Variants in DIP2B observed in about 807,000 individuals in gnomAD.
The protein encoded by DIP2B is DIP2 acetate--CoA ligase B (putative), also known as disco-interacting protein 2 homolog B.
A neutral mutation model predicts 198.0 loss-of-function variants in DIP2B; 76 were observed. The ratio of observed to expected loss-of-function variants is 0.38; its 90% CI spans 0.32 to 0.46. The LOEUF (loss-of-function observed/expected upper bound fraction) is 0.46, where lower values mean the gene tolerates loss of function less well. Ranked by LOEUF, DIP2B falls within the 20% of genes least tolerant of loss-of-function variation. The pLI is 0.99. For missense variants in DIP2B, 1,559 were observed against 1,978.4 expected (o/e 0.79, Z 4.02); for synonymous variants, 701 against 739.1 (o/e 0.95, Z 0.84).
At chr12:50,735,223 A>G (rs1438867453) in intron 34 of DIP2B, 93 bp downstream of exon 34, 4 of 1,394,710 alleles carry the variant, frequency 2.9e-6, no homozygotes, top group East Asian at 2.3e-5. Flanking sequence ...ATTAGTGTCC[A>G]GGGCAAGCCT....
chr12:50,617,556 C>T (rs1047067826), intron 1 of DIP2B, among the ~76,000 whole-genome samples: 2 of 151,842 alleles, frequency 1.3e-5, no homozygotes, highest in East Asian at 1.9e-4. Flanking sequence ...TGCCTATATT[C>T]CCAGCACTTT....
At chr12:50,529,882 A>G (rs1958200306) in intron 1 of DIP2B, among the ~76,000 whole-genome samples, 5 of 152,170 alleles carry the variant, frequency 3.3e-5, no homozygotes, top group Admixed American at 3.3e-4. Context: ...AGAAAAAAGA[A>G]AAAAAGCTAC....
At chr12:50,714,297 G>C in intron 22 of DIP2B, 98 bp from the exon 23 acceptor site, 1 of 1,379,118 alleles carries the variant, frequency 7.3e-7, no homozygotes. Flanking sequence ...AATGGGTAGA[G>C]TAAGAAAAAT....
At chr12:50,706,412 C>A in intron 20 of DIP2B, 126 bp from the exon 21 acceptor site, 1 of 1,149,958 alleles carries the variant, frequency 8.7e-7, no homozygotes, top group African/African-American at 1.5e-5. Flanking sequence ...CTCTAGAATC[C>A]GTAAAATATG....
intron 21 of DIP2B, 149 bp downstream of exon 21, chr12:50,706,814 CTT>C: frequency 1.9e-6 from 1 of 521,064 alleles, no homozygotes; most frequent in African/African-American, 2.1e-5. Flanking sequence ...TTTTTTTTTT[CTT>C]CTTCTTCTTC....
At chr12:50,519,555 T>C (rs1178690175) in intron 1 of DIP2B, among the ~76,000 whole-genome samples, 1 of 152,168 alleles carries the variant, frequency 6.6e-6, no homozygotes, top group African/African-American at 2.4e-5. Flanking sequence ...AGGATGATAA[T>C]ATTTTGGATG....
intron 6 of DIP2B, 57 bp from the exon 7 acceptor site, chr12:50,675,272 G>C: frequency 6.3e-7 from 1 of 1,582,472 alleles, no homozygotes. Flanking sequence ...GGGAACTGAG[G>C]AACTAAAATA....
chr12:50,598,729 TCCC>T (rs1958899971), intron 1 of DIP2B, among the ~76,000 whole-genome samples: 1 of 10,662 alleles, frequency 9.4e-5, no homozygotes, highest in Admixed American at 1.1e-3. Flanking sequence ...TCCCCTTCCC[TCCC>T]CTCCCCCCTC....
intron 1 of DIP2B, among the ~76,000 whole-genome samples, chr12:50,607,209 T>C (rs1958989878): frequency 6.6e-6 from 1 of 152,076 alleles, no homozygotes; most frequent in South Asian, 2.1e-4. Flanking sequence ...AGTACTCTGT[T>C]GGGAGCTTTG....
At chr12:50,695,525 C>T (rs1168243475) in intron 15 of DIP2B, among the ~76,000 whole-genome samples, 165 bp downstream of exon 15, 3 of 152,156 alleles carry the variant, frequency 2.0e-5, no homozygotes, top group Non-Finnish European at 2.9e-5. Context: ...TCACTGATGT[C>T]CTCTCTTAAG....
rs550304330 is a variant in DIP2B at position 50,514,168 on chromosome 12, C to T, written c.100+8928C>T. 4.0e-5 allele frequency among the ~76,000 whole-genome samples: 6 copies of T among 150,438 alleles called. No homozygotes were observed. The South Asian group carries it at 8.4e-4, about 21-fold the overall frequency. On this transcript the variant is annotated intron_variant, in intron 1 of 37. Transcript: ENST00000301180. ...ATAACCTCCGCCTCCCGGGTTCAAG[C>T]GATTCTCCTGCCTCAGCCTTCTGAG... is the stretch of plus-strand genomic sequence containing the variant.
intron 28 of DIP2B, among the ~76,000 whole-genome samples, chr12:50,726,224 T>C (rs1033820890): frequency 6.6e-6 from 1 of 152,170 alleles, no homozygotes; most frequent in African/African-American, 2.4e-5. Context: ...AAAGGAGCCA[T>C]TGAAGAGGTA....
chr12:50,515,848 C>T (rs1050198930), intron 1 of DIP2B, among the ~76,000 whole-genome samples: 13 of 152,162 alleles, frequency 8.5e-5, no homozygotes, highest in Non-Finnish European at 7.3e-5. Context: ...TCTAAAACAA[C>T]TCTGTTTCAA....
intron 12 of DIP2B, among the ~76,000 whole-genome samples, chr12:50,687,700 CAG>C (rs1462199840): frequency 6.6e-6 from 1 of 151,778 alleles, no homozygotes; most frequent in Non-Finnish European, 1.5e-5. Context: ...CACATGGACA[CAG>C]GGAGGGGAAT....
chr12:50,595,640 G>T (rs1357281561), intron 1 of DIP2B, among the ~76,000 whole-genome samples: 5 of 152,154 alleles, frequency 3.3e-5, no homozygotes, highest in East Asian at 1.9e-4. Context: ...AGTACGTCAA[G>T]ATTATATTTA....
intron 2 of DIP2B, among the ~76,000 whole-genome samples, chr12:50,631,841 G>T (rs1324723350): frequency 1.3e-5 from 2 of 152,042 alleles, no homozygotes; most frequent in Admixed American, 6.6e-5. Flanking sequence ...TGACCATTTT[G>T]TTCATTAACA....
In DIP2B at chr12:50,674,506, A is replaced by G. The variant is rs766758037; in HGVS notation, c.673A>G (p.Thr225Ala). ...NFSAPPDVTTTTSSSSSSSSI... is the reference protein window; with the variant it reads ...NFSAPPDVTTATSSSSSSSSI... Reference sequence around the variant, plus strand: ...CTCTGCTCCTCCTGATGTCACTACAACTACCTCTTCCTCCTCATCATCTTC... The same window carrying G: ...CTCTGCTCCTCCTGATGTCACTACAGCTACCTCTTCCTCCTCATCATCTTC... The change falls in exon 6 of 38, where the codon ACT (threonine) becomes GCT (alanine). Residue 225 changes from threonine to alanine, a missense_variant. Physicochemically the swap from Thr to Ala is moderately conservative, Grantham distance 58. Coordinates refer to ENST00000301180, the MANE Select transcript of DIP2B (RefSeq NM_173602.3). 1.2e-6 allele frequency: 2 copies of G among 1,614,220 alleles called. No individual in the cohort carries two copies. Among genetic ancestry groups the G allele is most frequent in the African/African-American group, 1.3e-5 (1 of 75,056 alleles).
intron 1 of DIP2B, among the ~76,000 whole-genome samples, chr12:50,552,324 A>G (rs924539730): frequency 1.1e-4 from 16 of 151,040 alleles, no homozygotes; most frequent in Admixed American, 2.0e-4. Context: ...CTGGAGTGCA[A>G]TGGCGTAATC....
At chr12:50,697,038 G>T (rs1248441705) in intron 16 of DIP2B, 23 bp from the exon 17 acceptor site, 2 of 1,575,416 alleles carry the variant, frequency 1.3e-6, no homozygotes, top group Non-Finnish European at 1.7e-6. Flanking sequence ...TCAGCTTCAG[G>T]TTGATCTGTT....
Sources: allele counts gnomAD v4.1 joint callset (sites outside exome capture counted in the v4.1 genomes callset), GRCh38; gene constraint gnomAD v4.1.1; transcripts MANE v1.5; gene names NCBI Gene and HGNC (gene_info 2026-07-23, HGNC 2026-07-21).